Variants in GABRD observed in about 807,000 individuals in gnomAD.
GABRD encodes gamma-aminobutyric acid receptor subunit delta.
GABRD carries 25 observed loss-of-function variants against 47.3 expected under a neutral mutation model. The ratio of observed to expected loss-of-function variants is 0.53; its 90% CI spans 0.39 to 0.74. GABRD has a LOEUF of 0.74. Ranked by LOEUF, GABRD falls within the 30% of genes least tolerant of loss-of-function variation. GABRD has a pLI of 0.00. For synonymous variants in GABRD, 314 were observed against 278.8 expected, an observed-to-expected ratio of 1.13 and a Z score of -1.26; for missense variants, 497 against 643.4, an observed-to-expected ratio of 0.77 and a Z score of 2.46.
chr1:2,030,576 G>A lies in GABRD; in HGVS notation c.*294G>A, dbSNP rs759332386. The A allele has an allele frequency of 1.5e-5, 5 of 330,342 alleles. No individual in the cohort carries two copies. Among genetic ancestry groups the A allele is most frequent in the East Asian group, 4.7e-5 (1 of 21,092 alleles). 20.5% of individuals were successfully genotyped at this position (330,342 alleles called of 1,614,324 possible). On this transcript the variant is annotated 3_prime_UTR_variant, in exon 9 of 9. Transcript: ENST00000378585. ...CGGGGTCTGGGCCCTTCAGGGAGCCGCGGATTTTTATGTTCAGAAAGTGAT... is the reference window on the plus strand; with the variant it reads ...CGGGGTCTGGGCCCTTCAGGGAGCCACGGATTTTTATGTTCAGAAAGTGAT...
In GABRD at chr1:2,027,794, G is replaced by A; in HGVS notation, c.553+135G>A. On this transcript the variant is annotated intron_variant, in intron 5 of 8. Coordinates refer to ENST00000378585, the MANE Select transcript of GABRD (RefSeq NM_000815.5). ...CCAAACCAGCTTCTGCATGCAAGAA[G>A]CCTGGGCAGGAGGAGAAGGGGCCAG... 5 of 822,388 alleles carry A rather than the reference G, an allele frequency of 6.1e-6. No individual in the cohort carries two copies. In the South Asian group the frequency reaches 7.7e-5, roughly 13 times the overall value. 50.9% of individuals were successfully genotyped at this position (822,388 alleles called of 1,614,324 possible). A position where few individuals can be genotyped will look rare whatever the true frequency, so the allele number is the denominator to read the frequency against.
intron 1 of GABRD, among the ~76,000 whole-genome samples, chr1:2,022,999 T>C (rs1223131122): frequency 6.6e-6 from 1 of 152,130 alleles, no homozygotes; most frequent in African/African-American, 2.4e-5. Flanking sequence ...CCGACCCCGC[T>C]GCTGCTGCCT....
intron 2 of GABRD, 137 bp from the exon 3 acceptor site, chr1:2,025,197 C>G: frequency 1.5e-6 from 2 of 1,300,618 alleles, no homozygotes; most frequent in South Asian, 1.3e-5. Context: ...GCCAGGCCCC[C>G]ACAGAGACAG....
intron 1 of GABRD, among the ~76,000 whole-genome samples, chr1:2,023,148 C>T (rs775586927): frequency 2.0e-5 from 3 of 152,022 alleles, no homozygotes; most frequent in Admixed American, 6.6e-5. Context: ...TCTGGAATTG[C>T]GGGTTTAAGA....
chr1:2,021,485 C>A (rs969936277), intron 1 of GABRD, among the ~76,000 whole-genome samples: 4 of 152,202 alleles, frequency 2.6e-5, no homozygotes, highest in African/African-American at 9.7e-5. Context: ...CTGTATTGGA[C>A]GTCAGTGGGA....
At position 2,030,186 on chromosome 1, in the gene GABRD, C is replaced by T; in HGVS notation, c.1263C>T (p.Pro421=). The change falls in exon 9 of 9, where the codon CCC becomes CCT. Residue 421 remains proline (P), a synonymous_variant. Coordinates refer to ENST00000378585, the MANE Select transcript of GABRD (RefSeq NM_000815.5). ...GQGGIRARLR[P]IDADTIDIYA... ...GGGGCATCCGTGCCCGGCTCAGGCCCATCGACGCAGACACCATTGACATTT... is the reference window on the plus strand; with the variant it reads ...GGGGCATCCGTGCCCGGCTCAGGCCTATCGACGCAGACACCATTGACATTT... 1 of 1,566,436 alleles carries T rather than the reference C, an allele frequency of 6.4e-7. No individual in the cohort carries two copies. Among genetic ancestry groups the T allele is most frequent in the African/African-American group, 1.4e-5 (1 of 73,388 alleles).
At chr1:2,029,904 A>C in intron 8 of GABRD, 79 bp from the exon 9 acceptor site, 1 of 1,570,222 alleles carries the variant, frequency 6.4e-7, no homozygotes, top group Non-Finnish European at 8.7e-7. Context: ...GGGCCCCCGC[A>C]TGGGAACACC....
Position 2,025,395 on chromosome 1 carries a change from C to T in GABRD, c.243C>T (p.Ala81=). 10 of 1,612,966 alleles carry T rather than the reference C, an allele frequency of 6.2e-6. No homozygotes were observed. Among genetic ancestry groups the T allele is most frequent in the Non-Finnish European group, 8.5e-6 (10 of 1,179,984 alleles). ...EVASIDHISE[A]NMEYTMTVFL... is the part of the protein sequence containing the mutation. ...CCAGCATCGACCACATCTCAGAGGC[C>T]AACATGGTAGGTGCCACCAGCCTCT... Residue 81 remains alanine, a synonymous_variant, in exon 3 of 9, where the codon GCC becomes GCT. Transcript: ENST00000378585.
Position 2,028,097 on chromosome 1 carries a change from G to A in GABRD, c.554-58G>A. ...CTTCCTGTGTGGACGGAGCGCTCCT[G>A]CCAGGGCTCCCGGGGCAGGGCCGGG... On this transcript the variant is annotated intron_variant, in intron 5 of 8. Transcript: ENST00000378585. The surrounding 1 kb of genome is among the most constrained non-coding windows in gnomAD (Gnocchi z 6.4). 6.3e-7 allele frequency: 1 copy of A among 1,576,020 alleles called. No individual in the cohort carries two copies. Among genetic ancestry groups the A allele is most frequent in the Non-Finnish European group, 8.6e-7 (1 of 1,156,992 alleles).
chr1:2,025,356 T>C lies in GABRD; in HGVS notation c.204T>C (p.Leu68=). 1 of 1,613,146 alleles carries C rather than the reference T, an allele frequency of 6.2e-7. No homozygotes were observed. Among genetic ancestry groups the C allele is most frequent in the South Asian group, 1.1e-5 (1 of 91,090 alleles). The change falls in exon 3 of 9, where the codon CTT becomes CTC. Residue 68 remains leucine, a synonymous_variant. Coordinates refer to ENST00000378585, the MANE Select transcript of GABRD (RefSeq NM_000815.5). The stretch of plus-strand genomic sequence containing the variant: ...CAGGCCCCCCCGTGAATGTGGCCCT[T>C]GCCCTGGAGGTGGCCAGCATCGACC... The part of the protein sequence containing the change: ...GIGGPPVNVA[L]ALEVASIDHI...
chr1:2,019,827 G>A (rs1658727851), intron 1 of GABRD, among the ~76,000 whole-genome samples: 1 of 152,192 alleles, frequency 6.6e-6, no homozygotes, highest in Non-Finnish European at 1.5e-5. Context: ...CGGGTCCGCG[G>A]CACTCGCGGG....
intron 1 of GABRD, chr1:2,023,477 G>T (rs1658835855): frequency 6.6e-6 from 1 of 152,664 alleles, no homozygotes; most frequent in Admixed American, 6.5e-5. Context: ...GGGGCAGTCA[G>T]TTGCGTCCTG....
At position 2,028,439 on chromosome 1, in the gene GABRD, G is replaced by C; in HGVS notation, c.691+147G>C. 4.5e-6 allele frequency: 4 copies of C among 891,746 alleles called. No individual in the cohort carries two copies. Among genetic ancestry groups the C allele is most frequent in the Non-Finnish European group, 6.1e-6 (4 of 657,572 alleles). 55.2% of individuals were successfully genotyped at this position (891,746 alleles called of 1,614,324 possible). A position where few individuals can be genotyped will look rare whatever the true frequency, so the allele number is the denominator to read the frequency against. On this transcript the variant is annotated intron_variant, in intron 6 of 8. Transcript: ENST00000378585. This position sits in a 1 kb window ranked among gnomAD's most constrained non-coding sequence, Gnocchi z 6.4. ...TTAGTCAAGCGCCCGCAGGCCCCCA[G>C]GGCCTCTGGGGATGCAGCTGGGACG...
At chr1:2,024,396 TC>T (rs1312746404) in intron 1 of GABRD, 1 of 152,410 alleles carries the variant, frequency 6.6e-6, no homozygotes, top group Non-Finnish European at 1.5e-5. Context: ...CCCTGGGCCT[TC>T]CTGGGAGGAG....
chr1:2,030,297 C>T lies in GABRD; in HGVS notation c.*15C>T. On this transcript the variant is annotated 3_prime_UTR_variant, in exon 9 of 9. Transcript: ENST00000378585. ...ACGCCATGTGAGCACAGGACTCAGG[C>T]CACCCTCGCTTGTCCTGGCGCCCGG... 6.7e-7 allele frequency: 1 copy of T among 1,497,316 alleles called. No individual in the cohort carries two copies. The highest frequency in any genetic ancestry group is 8.9e-7 in the Non-Finnish European group (1 of 1,122,898). 92.8% of individuals were successfully genotyped at this position (1,497,316 alleles called of 1,614,324 possible). A position where few individuals can be genotyped will look rare whatever the true frequency, so the allele number is the denominator to read the frequency against.
intron 1 of GABRD, among the ~76,000 whole-genome samples, chr1:2,023,183 C>G (rs535967695): frequency 1.3e-5 from 2 of 152,094 alleles, no homozygotes; most frequent in Non-Finnish European, 2.9e-5. Context: ...TGCAGCTCCC[C>G]GGCTGGACTT....
intron 4 of GABRD, among the ~76,000 whole-genome samples, chr1:2,025,953 T>A (rs1658914858): frequency 6.6e-6 from 1 of 152,272 alleles, no homozygotes; most frequent in Non-Finnish European, 1.5e-5. Context: ...AGCCGGCAGA[T>A]GTGGCTTTTT....
intron 5 of GABRD, 66 bp downstream of exon 5, chr1:2,027,725 C>T (rs980429995): frequency 9.1e-6 from 13 of 1,427,804 alleles, no homozygotes; most frequent in East Asian, 4.7e-5. Context: ...ACTGTCAGCC[C>T]GGGGCCTGGA....
At position 2,030,251 on chromosome 1, in the gene GABRD, A is replaced by G. The variant is rs143064203; in HGVS notation, c.1328A>G (p.Asn443Ser). The stretch of plus-strand genomic sequence containing the variant: ...TTCCCTGCGGCGTTTGCGGCCGTCA[A>G]TGTCATCTACTGGGCGGCATACGCC... ...AVFPAAFAAV[N>S]VIYWAAYAM Residue 443 changes from asparagine (N) to serine (S), a missense_variant, in exon 9 of 9, where the codon AAT becomes AGT. By Grantham distance (46) the Asn-to-Ser change is conservative. Around this residue, in one of 3 missense-constraint regions of GABRD, gnomAD observed 121 missense variants for 121.3 expected, o/e 1.00. Transcript: ENST00000378585. The G allele has an allele frequency of 2.2e-5, 35 of 1,559,462 alleles. No homozygotes were observed. Among genetic ancestry groups the G allele is most frequent in the Admixed American group, 5.6e-5 (3 of 53,568 alleles).
Sources: allele counts gnomAD v4.1 joint callset (sites outside exome capture counted in the v4.1 genomes callset), GRCh38; gene constraint gnomAD v4.1.1; regional missense constraint gnomAD v4.1.1; non-coding constraint Gnocchi (gnomAD v3.1); transcripts MANE v1.5; gene names NCBI Gene and HGNC (gene_info 2026-07-23, HGNC 2026-07-21).